TACC1: variants seen among roughly 807,000 people sequenced by gnomAD.
TACC1 encodes the protein transforming acidic coiled-coil-containing protein 1.
A neutral mutation model predicts 84.4 loss-of-function variants in TACC1; 48 were observed. That is an observed-to-expected ratio of 0.57 (90% CI 0.45 to 0.72). The LOEUF (loss-of-function observed/expected upper bound fraction) is 0.72. TACC1 is among the 30% of genes least tolerant of loss of function. The pLI, the probability that TACC1 is intolerant of heterozygous loss-of-function variation, is 0.00. For synonymous variants in TACC1, 372 were observed against 376.3 expected (o/e 0.99, Z 0.13); for missense variants, 920 against 973.0 (o/e 0.95, Z 0.72).
At chr8:38,783,108 A>ATCTATC (rs1414152135), upstream of TACC1, among the ~76,000 whole-genome samples, 354 of 84,756 alleles carry the variant, frequency 4.2e-3, 1 homozygote, top group African/African-American at 0.017. Flanking sequence ...CTATCTATCT[A>ATCTATC]TATATATATA....
At chr8:38,783,859 A>G (rs1816627253), upstream of TACC1, among the ~76,000 whole-genome samples, 2 of 152,214 alleles carry the variant, frequency 1.3e-5, no homozygotes, top group South Asian at 4.1e-4. Flanking sequence ...GAAGATTGTA[A>G]TTCTATAGAT....
intron 1 of TACC1, among the ~76,000 whole-genome samples, chr8:38,729,590 C>T (rs528027039): frequency 4.9e-4 from 75 of 152,282 alleles, no homozygotes; most frequent in Admixed American, 1.9e-3. Context: ...CTTGTGTGGC[C>T]GGGCGCGGTG....
intron 6 of TACC1, 68 bp from the exon 7 acceptor site, chr8:38,836,094 T>G (rs1830167285): frequency 6.3e-7 from 1 of 1,587,618 alleles, no homozygotes. Flanking sequence ...AATGAGGAAG[T>G]TGTTGAAGGA....
chr8:38,772,919 GATTAAGGTTTGT>G, intron 3 of TACC1, among the ~76,000 whole-genome samples: 1 of 152,056 alleles, frequency 6.6e-6, no homozygotes, highest in African/African-American at 2.4e-5. Context: ...CACCTCTATT[GATTAAGGTTTGT>G]ATTAAGGTTT....
At chr8:38,830,525 C>T (rs1326489640) in intron 5 of TACC1, among the ~76,000 whole-genome samples, 1 of 152,214 alleles carries the variant, frequency 6.6e-6, no homozygotes, top group Non-Finnish European at 1.5e-5. Flanking sequence ...CCTTGGCCTC[C>T]CAAAGTGCTG....
chr8:38,835,863 T>C (rs6474508), intron 6 of TACC1, among the ~76,000 whole-genome samples: 3,604 of 152,340 alleles, frequency 0.024, 129 homozygotes, highest in African/African-American at 0.075. Flanking sequence ...CTTTTATCCA[T>C]GTGGTTCTTT....
At chr8:38,769,679 G>A (rs1202371466) in intron 3 of TACC1, among the ~76,000 whole-genome samples, 2 of 149,032 alleles carry the variant, frequency 1.3e-5, no homozygotes, top group Non-Finnish European at 3.0e-5. Flanking sequence ...GGGTATGGGT[G>A]AGGGTGTGTG....
chr8:38,751,740 C>A (rs750250665), intron 3 of TACC1, among the ~76,000 whole-genome samples: 20 of 151,666 alleles, frequency 1.3e-4, no homozygotes, highest in Non-Finnish European at 2.4e-4. Flanking sequence ...ACCGAGAAAC[C>A]AAAAATTTTG....
chr8:38,823,641 T>TTC (rs1164145960), intron 3 of TACC1, among the ~76,000 whole-genome samples: 1 of 152,220 alleles, frequency 6.6e-6, no homozygotes, highest in Admixed American at 6.5e-5. Flanking sequence ...TCTAATACAC[T>TTC]TAATAGGGCT....
chr8:38,843,410 A>C lies in TACC1; in HGVS notation c.2228+15A>C. The C allele has an allele frequency of 6.4e-7, 1 of 1,571,416 alleles. No homozygotes were observed. Among genetic ancestry groups the C allele is most frequent in the Non-Finnish European group, 8.7e-7 (1 of 1,155,284 alleles). On this transcript the variant is annotated intron_variant, in intron 11 of 12. Transcript: ENST00000317827. The stretch of plus-strand genomic sequence containing the variant: ...AAACTGGACAAGTAAGAGCTTGTAA[A>C]TGTTGAATTTCACTCTTCATGATGT...
At position 38,787,352 on chromosome 8, in the gene TACC1, C is replaced by A. The variant is rs1817470114; in HGVS notation, c.-231C>A. ...CCGGCTAGTGGAGCCCGGCGCGGGG[C>A]CCGCTGCGGCCGCACCGTGAGGGGA... On this transcript the variant is annotated 5_prime_UTR_variant, in exon 1 of 13. Coordinates refer to ENST00000317827, the MANE Select transcript of TACC1 (RefSeq NM_006283.3). The A allele has an allele frequency of 3.1e-6, 4 of 1,306,568 alleles. No homozygotes were observed. Among genetic ancestry groups the A allele is most frequent in the Middle Eastern group, 2.9e-4 (1 of 3,452 alleles). 80.9% of individuals were successfully genotyped at this position (1,306,568 alleles called of 1,614,324 possible). A position where few individuals can be genotyped will look rare whatever the true frequency, so the allele number is the denominator to read the frequency against.
intron 2 of TACC1, among the ~76,000 whole-genome samples, chr8:38,801,983 G>A (rs1297574733): frequency 6.6e-6 from 1 of 152,174 alleles, no homozygotes; most frequent in Non-Finnish European, 1.5e-5. Flanking sequence ...ATGCAAGCAT[G>A]GCTCACTGCA....
intron 2 of TACC1, among the ~76,000 whole-genome samples, chr8:38,818,922 C>T (rs559996211): frequency 1.3e-5 from 2 of 151,978 alleles, no homozygotes; most frequent in African/African-American, 4.8e-5. Context: ...GGACTACAGG[C>T]GTGTGCCACC....
chr8:38,736,930 C>T (rs1806078388), intron 1 of TACC1, among the ~76,000 whole-genome samples: 1 of 152,118 alleles, frequency 6.6e-6, no homozygotes. Flanking sequence ...CCAGGCAAAG[C>T]ACTCAGAGAA....
intron 12 of TACC1, among the ~76,000 whole-genome samples, chr8:38,847,141 A>G (rs1214812024): frequency 6.6e-6 from 1 of 152,196 alleles, no homozygotes; most frequent in Admixed American, 6.5e-5. Flanking sequence ...ATTAATATGA[A>G]GCCATCTTCC....
chr8:38,839,261 CTTG>C, intron 8 of TACC1: 1 of 390,728 alleles, frequency 2.6e-6, no homozygotes, highest in Non-Finnish European at 4.5e-6. Context: ...TGATAGAAAG[CTTG>C]TTAACAAGAA....
At chr8:38,781,035 T>C (rs910325640) in intron 3 of TACC1, among the ~76,000 whole-genome samples, 2 of 152,194 alleles carry the variant, frequency 1.3e-5, no homozygotes, top group African/African-American at 4.8e-5. Context: ...ACAGTTATTT[T>C]TGAAAGCTTT....
At chr8:38,840,197 G>T (rs1396313094) in intron 8 of TACC1, 27 bp from the exon 9 acceptor site, 1 of 1,577,770 alleles carries the variant, frequency 6.3e-7, no homozygotes. Context: ...TCCTCCTCTG[G>T]TAATAAGTTC....
At chr8:38,760,830 A>G (rs1214444780) in intron 3 of TACC1, among the ~76,000 whole-genome samples, 2 of 152,152 alleles carry the variant, frequency 1.3e-5, no homozygotes, top group Non-Finnish European at 2.9e-5. Flanking sequence ...CCTCAGACCT[A>G]ATTTTTGAAG....
Sources: gnomAD v4.1 joint callset for allele counts (sites outside exome capture counted in the v4.1 genomes callset) on GRCh38, gnomAD v4.1.1 for gene constraint, MANE v1.5 for transcripts, NCBI Gene and HGNC (gene_info 2026-07-23, HGNC 2026-07-21) for gene names.